Variants in CDH20 observed in about 807,000 individuals in gnomAD.
The protein encoded by CDH20 is cadherin-20.
Under a neutral mutation model 74.2 loss-of-function variants are expected in CDH20, and 29 were observed. The ratio of observed to expected loss-of-function variants is 0.39; its 90% CI spans 0.29 to 0.53. The LOEUF is 0.53. Among genes scored for constraint, CDH20 ranks in the 20% least tolerant of loss-of-function variants. The pLI is 0.69. For missense variants in CDH20, 988 were observed against 1,048.3 expected (o/e 0.94, Z 0.79); for synonymous variants, 469 against 405.4 (o/e 1.16, Z -1.88).
chr18:61,554,594 G>A lies in CDH20; in HGVS notation c.2305G>A (p.Asp769Asn), dbSNP rs908789820. ...GAGCTCCCTGCAGTCGGCCACGTCG[G>A]ACTCGGAACAGAGCTTCGACTTCCT... ...SLSSLQSATS[D>N]SEQSFDFLTD... Residue 769 changes from aspartate to asparagine, a missense_variant, in exon 12 of 12, where the codon GAC becomes AAC. Coordinates refer to ENST00000262717, the MANE Select transcript of CDH20 (RefSeq NM_031891.4). 8 of 1,609,020 alleles carry A rather than the reference G, an allele frequency of 5.0e-6. No individual in the cohort carries two copies. The highest frequency in any genetic ancestry group is 5.9e-6 in the Non-Finnish European group (7 of 1,178,392).
intron 1 of CDH20, among the ~76,000 whole-genome samples, chr18:61,423,876 G>A (rs866885898): frequency 6.6e-6 from 1 of 152,124 alleles, no homozygotes; most frequent in Non-Finnish European, 1.5e-5. Context: ...AAAGAGTATA[G>A]CATATGCACA....
At chr18:61,395,098 T>C (rs1236468266) in intron 1 of CDH20, among the ~76,000 whole-genome samples, 1 of 151,970 alleles carries the variant, frequency 6.6e-6, no homozygotes, top group East Asian at 2.0e-4. Context: ...TTGCAAAACC[T>C]CCCACTTCTT....
intron 6 of CDH20, 55 bp from the exon 7 acceptor site, chr18:61,527,912 T>C: frequency 6.3e-7 from 1 of 1,581,082 alleles, no homozygotes; most frequent in South Asian, 1.1e-5. Context: ...AACGTTGACA[T>C]ATTTTGAATC....
At chr18:61,545,278 ATTT>A (rs5825448) in intron 10 of CDH20, 134 bp downstream of exon 10, 11,487 of 464,660 alleles carry the variant, frequency 0.025, 1 homozygote, top group South Asian at 0.035. Context: ...AATTCAGTGT[ATTT>A]TTTTTTTTTT....
chr18:61,443,978 G>C (rs1458994499), intron 1 of CDH20, among the ~76,000 whole-genome samples: 1 of 152,062 alleles, frequency 6.6e-6, no homozygotes, highest in East Asian at 1.9e-4. Context: ...CCAGTGCACA[G>C]TGTCGGCAGG....
chr18:61,547,920 A>T (rs1253514152), intron 10 of CDH20, among the ~76,000 whole-genome samples: 5 of 152,240 alleles, frequency 3.3e-5, no homozygotes, highest in Non-Finnish European at 5.9e-5. Flanking sequence ...TAGATCAAGA[A>T]ACATATATAT....
intron 1 of CDH20, among the ~76,000 whole-genome samples, chr18:61,343,616 C>T (rs1056378757): frequency 6.6e-6 from 1 of 152,094 alleles, no homozygotes; most frequent in Admixed American, 6.6e-5. Flanking sequence ...TGTACCTGAG[C>T]TGTGTAGAAA....
rs375947679 is a variant in CDH20 at position 61,550,140 on chromosome 18, T to C, written c.1811T>C (p.Met604Thr). Reference sequence around the variant, plus strand: ...AGCTGTGATGACGACGGCCACGTCATGTCCTGCAGCCCAGAGGCCTACATG... The same window carrying C: ...AGCTGTGATGACGACGGCCACGTCACGTCCTGCAGCCCAGAGGCCTACATG... ...VCSCDDDGHV[M>T]SCSPEAYMLP... The change falls in exon 11 of 12, where the codon ATG (methionine) becomes ACG (threonine). Residue 604 changes from methionine to threonine, a missense_variant. Around this residue, in one of 2 missense-constraint regions of CDH20, gnomAD observed 375 missense variants for 293.1 expected, o/e 1.28. Transcript: ENST00000262717. 5.6e-6 allele frequency: 9 copies of C among 1,614,230 alleles called. No individual in the cohort carries two copies. In the East Asian group the frequency reaches 1.1e-4, roughly 20 times the overall value.
At chr18:61,464,221 T>G (rs2144364270) in intron 1 of CDH20, among the ~76,000 whole-genome samples, 1 of 152,242 alleles carries the variant, frequency 6.6e-6, no homozygotes, top group Non-Finnish European at 1.5e-5. Context: ...AGCTCAGAGT[T>G]TTTGTGCTTA....
chr18:61,482,777 G>A (rs1263672671), intron 1 of CDH20, among the ~76,000 whole-genome samples: 1 of 152,030 alleles, frequency 6.6e-6, no homozygotes, highest in Non-Finnish European at 1.5e-5. Context: ...GATTACAAGT[G>A]TGAACCACCA....
rs777362710 is a variant in CDH20, at chr18:61,528,005, G to A, written c.1056G>A (p.Lys352=). 1 of 1,614,078 alleles carries A rather than the reference G, an allele frequency of 6.2e-7. No individual in the cohort carries two copies. Among genetic ancestry groups the A allele is most frequent in the East Asian group, 2.2e-5 (1 of 44,878 alleles). The change falls in exon 7 of 12, where the codon AAG becomes AAA. Residue 352 remains lysine, a synonymous_variant. Transcript: ENST00000262717. ...AAAGCAAGAAAAGCTACACCTTAAA[G>A]GTGGAGGGAGCCAATCCTCACCTAG... ...SFESKKSYTL[K]VEGANPHLEM...
intron 1 of CDH20, among the ~76,000 whole-genome samples, chr18:61,360,747 A>C (rs1910660801): frequency 6.6e-6 from 1 of 152,258 alleles, no homozygotes; most frequent in Admixed American, 6.5e-5. Context: ...TGAATACCAA[A>C]GCCCAGCCAG....
intron 1 of CDH20, among the ~76,000 whole-genome samples, chr18:61,417,459 A>G (rs1912723122): frequency 6.6e-6 from 1 of 151,956 alleles, no homozygotes; most frequent in Non-Finnish European, 1.5e-5. Flanking sequence ...TCAGTCATTA[A>G]AAAGAGTGAA....
chr18:61,512,019 T>A (rs1231241174), intron 6 of CDH20, among the ~76,000 whole-genome samples: 1 of 152,252 alleles, frequency 6.6e-6, no homozygotes, highest in African/African-American at 2.4e-5. Context: ...TCCACGCCCA[T>A]CTTCCCACTT....
intron 1 of CDH20, among the ~76,000 whole-genome samples, chr18:61,348,804 G>T (rs1365613258): frequency 6.6e-6 from 1 of 152,172 alleles, no homozygotes; most frequent in Non-Finnish European, 1.5e-5. Context: ...AGTAAGGCAA[G>T]ATTGTGTGAA....
intron 7 of CDH20, among the ~76,000 whole-genome samples, chr18:61,531,345 A>G (rs1029181994): frequency 6.6e-6 from 1 of 152,158 alleles, no homozygotes; most frequent in Admixed American, 6.5e-5. Context: ...GCTTTCTCAT[A>G]GGCTGCCTCT....
At chr18:61,397,399 G>A (rs768892284) in intron 1 of CDH20, among the ~76,000 whole-genome samples, 15 of 152,112 alleles carry the variant, frequency 9.9e-5, no homozygotes, top group Non-Finnish European at 2.2e-4. Flanking sequence ...ATGACTGCCT[G>A]CTGCAGCCCC....
chr18:61,375,807 C>T (rs1003216477), intron 1 of CDH20, among the ~76,000 whole-genome samples: 1 of 152,028 alleles, frequency 6.6e-6, no homozygotes, highest in Non-Finnish European at 1.5e-5. Context: ...ATATCAGGAA[C>T]CAGAACAACC....
At chr18:61,350,477 C>G (rs569918873) in intron 1 of CDH20, among the ~76,000 whole-genome samples, 3 of 151,994 alleles carry the variant, frequency 2.0e-5, no homozygotes, top group Admixed American at 2.0e-4. Context: ...ACGATTCCAC[C>G]CTTAATCCAA....
Sources: gnomAD v4.1 joint callset for allele counts (sites outside exome capture counted in the v4.1 genomes callset) on GRCh38, gnomAD v4.1.1 for gene constraint, gnomAD v4.1.1 regional missense constraint, MANE v1.5 for transcripts, NCBI Gene and HGNC (gene_info 2026-07-23, HGNC 2026-07-21) for gene names.